Variants in XRN2 observed in about 807,000 individuals in gnomAD.
The protein encoded by XRN2 is 5'-3' exoribonuclease 2, also known as DHM1-like protein.
Under a neutral mutation model 138.5 loss-of-function variants are expected in XRN2, and 44 were observed. The observed-to-expected ratio is 0.32, with a 90% confidence interval of 0.25 to 0.41. The LOEUF is 0.41. Among genes scored for constraint, XRN2 ranks in the 10% least tolerant of loss-of-function variants. XRN2 has a pLI of 1.00. For missense variants in XRN2, 937 were observed against 1,169.3 expected, an observed-to-expected ratio of 0.80 and a Z score of 2.90; for synonymous variants, 354 against 369.4, an observed-to-expected ratio of 0.96 and a Z score of 0.48.
chr20:21,367,910 A>G (rs1309893803), intron 26 of XRN2, among the ~76,000 whole-genome samples: 2 of 152,208 alleles, frequency 1.3e-5, no homozygotes, highest in Non-Finnish European at 2.9e-5. Context: ...TGAGGAGGAA[A>G]TAATTTTAGA....
At position 21,330,806 on chromosome 20, in the gene XRN2, A is replaced by C. The variant is rs1323019713; in HGVS notation, c.576+101A>C. On this transcript the variant is annotated intron_variant, in intron 6 of 29. Coordinates refer to ENST00000377191, the MANE Select transcript of XRN2 (RefSeq NM_012255.5). Reference sequence around the variant, plus strand: ...TTTATCCTTCTGCCCTGCCCCATAAAATGCTAGTTGACTGTTGGAAGAAAG... The same window carrying C: ...TTTATCCTTCTGCCCTGCCCCATAACATGCTAGTTGACTGTTGGAAGAAAG... The C allele has an allele frequency of 2.7e-6, 3 of 1,107,982 alleles. No individual in the cohort carries two copies. In the Admixed American group the frequency reaches 7.7e-5, roughly 29 times the overall value. 68.6% of individuals were successfully genotyped at this position (1,107,982 alleles called of 1,614,324 possible). A position where few individuals can be genotyped will look rare whatever the true frequency, so the allele number is the denominator to read the frequency against.
chr20:21,320,267 T>TATTTATG (rs2038019160), intron 1 of XRN2, among the ~76,000 whole-genome samples: 1 of 144,750 alleles, frequency 6.9e-6, no homozygotes, highest in South Asian at 2.2e-4. Context: ...TTGGCATCAT[T>TATTTATG]TATTTATTTA....
intron 28 of XRN2, among the ~76,000 whole-genome samples, chr20:21,383,142 T>C (rs1269857836): frequency 6.6e-6 from 1 of 152,220 alleles, no homozygotes; most frequent in Non-Finnish European, 1.5e-5. Flanking sequence ...TTACTAATAG[T>C]GTCAACTTAG....
chr20:21,338,548 T>C (rs2038330588), intron 13 of XRN2, among the ~76,000 whole-genome samples: 1 of 152,174 alleles, frequency 6.6e-6, no homozygotes, highest in African/African-American at 2.4e-5. Flanking sequence ...CTTTTCTCCA[T>C]TGTGCCATGC....
chr20:21,374,903 T>G (rs1022316076), intron 27 of XRN2, among the ~76,000 whole-genome samples: 1 of 151,914 alleles, frequency 6.6e-6, no homozygotes, highest in Non-Finnish European at 1.5e-5. Flanking sequence ...GCCAAGCCAG[T>G]TGGGCTTAGA....
At chr20:21,385,953 C>CT (rs2038932968) in intron 28 of XRN2, among the ~76,000 whole-genome samples, 1 of 152,172 alleles carries the variant, frequency 6.6e-6, no homozygotes, top group Non-Finnish European at 1.5e-5. Flanking sequence ...TCTGTTTATT[C>CT]TTTGTAGTGC....
chr20:21,354,680 T>C, intron 20 of XRN2, 109 bp from the exon 21 acceptor site: 1 of 991,544 alleles, frequency 1.0e-6, no homozygotes, highest in Non-Finnish European at 1.5e-6. Context: ...CCAAAATGTT[T>C]TTGTATCAGC....
At chr20:21,330,405 T>C (rs2038190911) in intron 4 of XRN2, 76 bp from the exon 5 acceptor site, 2 of 1,492,632 alleles carry the variant, frequency 1.3e-6, no homozygotes. Flanking sequence ...CTTTTTGTTT[T>C]TGTTGTTCTG....
chr20:21,353,749 C>G (rs1012861919), intron 20 of XRN2, among the ~76,000 whole-genome samples: 1 of 146,946 alleles, frequency 6.8e-6, no homozygotes, highest in Non-Finnish European at 1.5e-5. Flanking sequence ...GAGCAATGAT[C>G]GTGCCACTGC....
intron 27 of XRN2, among the ~76,000 whole-genome samples, chr20:21,377,264 C>CTTTTTTTCTTTTTTTTTTTTTT (rs2038833972): frequency 1.2e-5 from 1 of 82,782 alleles, no homozygotes. Context: ...TCGGTTTTTT[C>CTTTTTTTCTTTTTTTTTTTTTT]TTTTTTTTTT....
At chr20:21,323,973 A>G (rs895554078) in intron 1 of XRN2, among the ~76,000 whole-genome samples, 11 of 152,290 alleles carry the variant, frequency 7.2e-5, no homozygotes, top group Admixed American at 5.9e-4. Flanking sequence ...CCTGGAGGGC[A>G]CAAAGAATGA....
chr20:21,323,189 T>C (rs946730705), intron 1 of XRN2, among the ~76,000 whole-genome samples: 1 of 152,244 alleles, frequency 6.6e-6, no homozygotes, highest in African/African-American at 2.4e-5. Flanking sequence ...TTGGAGGTAC[T>C]GCACTCCATC....
intron 27 of XRN2, among the ~76,000 whole-genome samples, chr20:21,381,020 C>G (rs2038877022): frequency 6.6e-6 from 1 of 152,192 alleles, no homozygotes; most frequent in African/African-American, 2.4e-5. Context: ...CATGATTCTA[C>G]TTTTTTCTTT....
chr20:21,350,283 T>G (rs1439467594), intron 20 of XRN2, among the ~76,000 whole-genome samples: 1 of 152,000 alleles, frequency 6.6e-6, no homozygotes, highest in Non-Finnish European at 1.5e-5. Flanking sequence ...TCCCAGCAAT[T>G]TGGGAGGCCA....
intron 4 of XRN2, 121 bp downstream of exon 4, chr20:21,328,791 C>T (rs1239823078): frequency 1.3e-5 from 11 of 842,744 alleles, no homozygotes; most frequent in Non-Finnish European, 5.6e-6. Context: ...CCAGAATATC[C>T]AGTGTTCACT....
Position 21,349,420 on chromosome 20 carries a change from A to G in XRN2, c.1895A>G (p.Asp632Gly). 1 of 1,608,826 alleles carries G rather than the reference A, an allele frequency of 6.2e-7. No homozygotes were observed. The highest frequency in any genetic ancestry group is 1.1e-5 in the South Asian group (1 of 90,812). ...DSSIIDFYPEDFAIDLNGKKY... is the reference protein window; with the variant it reads ...DSSIIDFYPEGFAIDLNGKKY... ...AGTATAATTGACTTCTATCCTGAAG[A>G]TTTTGCTATTGATTTGAATGGGAAG... The change falls in exon 20 of 30, where the codon GAT (aspartate) becomes GGT (glycine). Residue 632 changes from aspartate (D) to glycine (G), a missense_variant. Transcript: ENST00000377191.
In XRN2 at chr20:21,326,306, C is replaced by G. The variant is rs1345165633; in HGVS notation, c.103C>G (p.Pro35Ala). The G allele has an allele frequency of 6.2e-7, 1 of 1,613,628 alleles. No homozygotes were observed. Among genetic ancestry groups the G allele is most frequent in the Non-Finnish European group, 8.5e-7 (1 of 1,179,744 alleles). ...KPKECNGVKI[P>A]VDASKPNPND... is the part of the protein sequence containing the mutation. ...AAAAGAATGCAATGGTGTAAAGATTCCAGTTGATGCCAGTAAACCTAATCC... is the reference window on the plus strand; with the variant it reads ...AAAAGAATGCAATGGTGTAAAGATTGCAGTTGATGCCAGTAAACCTAATCC... Residue 35 changes from proline (P) to alanine (A), a missense_variant, in exon 2 of 30, where the codon CCA becomes GCA. Physicochemically the swap from Pro to Ala is conservative, Grantham distance 27. This residue lies in a region of XRN2 where 51 missense variants were observed against 93.5 expected (regional missense o/e 0.55). Transcript: ENST00000377191.
intron 27 of XRN2, among the ~76,000 whole-genome samples, chr20:21,376,805 G>A (rs1317709746): frequency 6.6e-6 from 1 of 152,170 alleles, no homozygotes; most frequent in African/African-American, 2.4e-5. Context: ...GGAGGGTGAA[G>A]GAATATGAAA....
intron 29 of XRN2, among the ~76,000 whole-genome samples, chr20:21,388,280 T>G (rs2038955616): frequency 6.6e-6 from 1 of 152,226 alleles, no homozygotes; most frequent in African/African-American, 2.4e-5. Context: ...CCTTTGGAGA[T>G]CTTCCTTTTA....
Sources: allele counts gnomAD v4.1 joint callset (sites outside exome capture counted in the v4.1 genomes callset), GRCh38; gene constraint gnomAD v4.1.1; regional missense constraint gnomAD v4.1.1; transcripts MANE v1.5; gene names NCBI Gene and HGNC (gene_info 2026-07-23, HGNC 2026-07-21).